KDM5A: variants seen among roughly 807,000 people sequenced by gnomAD.
KDM5A encodes lysine-specific demethylase 5A.
KDM5A carries 42 observed loss-of-function variants against 193.5 expected under a neutral mutation model. That is an observed-to-expected ratio of 0.22 (90% CI 0.17 to 0.28). The LOEUF is 0.28. KDM5A is among the 10% of genes least tolerant of loss of function. The probability of loss-of-function intolerance (pLI) is 1.00; values close to 1 mark genes in which losing one functional copy is unlikely to be tolerated. For synonymous variants in KDM5A, 796 were observed against 718.1 expected (o/e 1.11, Z -1.73); for missense variants, 1,692 against 2,055.1 (o/e 0.82, Z 3.42).
chr12:383,200 T>C (rs565432818), intron 3 of KDM5A, among the ~76,000 whole-genome samples: 7 of 136,500 alleles, frequency 5.1e-5, no homozygotes, highest in Non-Finnish European at 9.3e-5. Flanking sequence ...ATGAGTTTCT[T>C]TAATATGCCA....
intron 18 of KDM5A, among the ~76,000 whole-genome samples, chr12:319,225 G>A (rs980452211): frequency 1.3e-5 from 2 of 152,118 alleles, no homozygotes; most frequent in African/African-American, 4.8e-5. Context: ...TTATCATTCT[G>A]GCTACCAAAC....
At chr12:358,170 T>C (rs1458005698) in intron 5 of KDM5A, among the ~76,000 whole-genome samples, 1 of 152,194 alleles carries the variant, frequency 6.6e-6, no homozygotes, top group Non-Finnish European at 1.5e-5. Context: ...TATTCAATCT[T>C]GAATTAAGAT....
At position 366,253 on chromosome 12, in the gene KDM5A, C is replaced by T; in HGVS notation, c.367-149G>A. ...ATCTAACCAAACTGACACTTGTCAA[C>T]ATTTAGAGTAAGAAATAGAAACAAT... On this transcript the variant is annotated intron_variant, in intron 3 of 27. Transcript: ENST00000399788. 4.4e-6 allele frequency: 3 copies of T among 687,608 alleles called. 1 individual carries two copies. The highest frequency in any genetic ancestry group is 6.0e-4 in the Middle Eastern group (2 of 3,316). The allele number at this position is 687,608 out of a possible 1,614,324, so 42.6% of individuals were successfully genotyped here. A position where few individuals can be genotyped will look rare whatever the true frequency, so the allele number is the denominator to read the frequency against.
intron 25 of KDM5A, 118 bp from the exon 26 acceptor site, chr12:295,911 G>T: frequency 1.2e-6 from 1 of 810,494 alleles, no homozygotes; most frequent in Non-Finnish European, 2.1e-6. Context: ...TCAGATATCT[G>T]GATTCATTAT....
Position 318,428 on chromosome 12 carries a change from G to A in KDM5A, c.2575C>T (p.Arg859Cys), listed in dbSNP as rs756567348. ...TCATCCATCATGGCCTCCTGAGCACGTTCATGAAACTCTTCCACATCATCT... is the reference window on the plus strand; with the variant it reads ...TCATCCATCATGGCCTCCTGAGCACATTCATGAAACTCTTCCACATCATCT... ...LLDDVEEFHE[R>C]AQEAMMDETP... is the part of the protein sequence containing the mutation. Residue 859 changes from arginine to cysteine, a missense_variant, in exon 19 of 28, where the codon CGT becomes TGT. Coordinates refer to ENST00000399788, the MANE Select transcript of KDM5A (RefSeq NM_001042603.3). 5.6e-6 allele frequency: 9 copies of A among 1,613,778 alleles called. No individual in the cohort carries two copies. Among genetic ancestry groups the A allele is most frequent in the South Asian group, 1.1e-5 (1 of 91,074 alleles).
Position 371,058 on chromosome 12 carries a change from T to C in KDM5A, c.367-4954A>G, listed in dbSNP as rs1282759508. ...GGTTCCAAGTCTTTGCTATTGTGAA[T>C]AGTGCCACAATAAACATATGTGTGC... On this transcript the variant is annotated intron_variant, in intron 3 of 27. Coordinates refer to ENST00000399788, the MANE Select transcript of KDM5A (RefSeq NM_001042603.3). 4.9e-5 allele frequency among the ~76,000 whole-genome samples: 6 copies of C among 123,166 alleles called. No individual in the cohort carries two copies. In the Admixed American group the frequency reaches 5.2e-4, roughly 11 times the overall value. The allele number at this position is 123,166 out of a possible 152,430, so 80.8% of individuals were successfully genotyped here. A position where few individuals can be genotyped will look rare whatever the true frequency, so the allele number is the denominator to read the frequency against.
chr12:380,261 C>CAA (rs776295511), intron 3 of KDM5A, among the ~76,000 whole-genome samples: 5 of 74,456 alleles, frequency 6.7e-5, no homozygotes, highest in Non-Finnish European at 8.8e-5. Context: ...ACTCCGTCTC[C>CAA]AAAAAAAAAA....
At chr12:336,318 T>C (rs1051928169) in intron 10 of KDM5A, among the ~76,000 whole-genome samples, 21 of 144,414 alleles carry the variant, frequency 1.5e-4, no homozygotes, top group Admixed American at 1.3e-3. Context: ...ATCATGCCAC[T>C]GCACTCCAGC....
At chr12:299,118 C>T (rs1312910828) in intron 24 of KDM5A, among the ~76,000 whole-genome samples, 1 of 152,136 alleles carries the variant, frequency 6.6e-6, no homozygotes, top group East Asian at 1.9e-4. Flanking sequence ...ACTTGAAAAA[C>T]ACTCTTCAGG....
rs1555132314 is a variant in KDM5A, at chr12:330,085, G to GTATATA, written c.1774-1062_1774-1057dup. On this transcript the variant is annotated intron_variant, in intron 13 of 27. Coordinates refer to ENST00000399788, the MANE Select transcript of KDM5A (RefSeq NM_001042603.3). ...TGTGTGTGTGTGTGTGTGTGTGTGT[G>GTATATA]TATATATATATATCTTATGATTAGC... is the stretch of plus-strand genomic sequence containing the variant. Among the ~76,000 whole-genome samples the GTATATA allele has an allele frequency of 3.5e-3, 491 of 139,368 alleles. 7 individuals are homozygous for GTATATA. The East Asian group carries it at 0.06, about 17-fold the overall frequency. The allele number at this position is 139,368 out of a possible 152,430, so 91.4% of individuals were successfully genotyped here.
chr12:376,036 C>T (rs949122773), intron 3 of KDM5A, among the ~76,000 whole-genome samples: 2 of 152,226 alleles, frequency 1.3e-5, no homozygotes, highest in African/African-American at 4.8e-5. Context: ...CAGGGACCCA[C>T]ATAAGGAGGC....
In KDM5A at chr12:307,490, T is replaced by C; in HGVS notation, c.3894A>G (p.Ala1298=). The C allele has an allele frequency of 6.2e-7, 1 of 1,613,614 alleles. No homozygotes were observed. The highest frequency in any genetic ancestry group is 8.5e-7 in the Non-Finnish European group (1 of 1,180,036). The change falls in exon 23 of 28, where the codon GCA becomes GCG. Residue 1298 remains alanine (A), a synonymous_variant. Coordinates refer to ENST00000399788, the MANE Select transcript of KDM5A (RefSeq NM_001042603.3). The surrounding 1 kb of genome is among the most constrained non-coding windows in gnomAD (Gnocchi z 4.3). ...GATTGGCAGCTGCTTTTTGGAGTTCTGCACTGATGATCTTTTCAGTTTTTT... is the reference window on the plus strand; with the variant it reads ...GATTGGCAGCTGCTTTTTGGAGTTCCGCACTGATGATCTTTTCAGTTTTTT... ...AREKTEKIIS[A]ELQKAAANPD... is the part of the protein sequence containing the mutation.
chr12:340,643 T>G (rs1260199978), intron 10 of KDM5A, among the ~76,000 whole-genome samples: 4 of 128,914 alleles, frequency 3.1e-5, no homozygotes, highest in Non-Finnish European at 6.1e-5. Context: ...TGCAGTGAGC[T>G]GAGATCGTGC....
chr12:292,859 A>C lies in KDM5A; in HGVS notation c.4766T>G (p.Leu1589Arg). 1 of 1,614,248 alleles carries C rather than the reference A, an allele frequency of 6.2e-7. No individual in the cohort carries two copies. The change falls in exon 27 of 28, where the codon CTG (leucine) becomes CGG (arginine). Residue 1589 changes from leucine to arginine, a missense_variant. By Grantham distance (102) the Leu-to-Arg change is moderately radical. Around this residue, in one of 11 missense-constraint regions of KDM5A, gnomAD observed 965 missense variants for 1,061.0 expected, o/e 0.91. Coordinates refer to ENST00000399788, the MANE Select transcript of KDM5A (RefSeq NM_001042603.3). ...CCAGTCATACTTTGAGGGGATGTCC[A>C]GCACCTTTTTCTCTCTTTTCTTTTC... ...STEKKREKKV[L>R]DIPSKYDWSG...
chr12:352,629 G>A (rs1005593882), intron 8 of KDM5A, among the ~76,000 whole-genome samples: 18 of 152,144 alleles, frequency 1.2e-4, no homozygotes, highest in Non-Finnish European at 2.5e-4. Flanking sequence ...ATCATGCCTA[G>A]GGATGCCTAA....
chr12:315,904 G>A (rs555441913), intron 19 of KDM5A, among the ~76,000 whole-genome samples: 24 of 152,266 alleles, frequency 1.6e-4, no homozygotes, highest in African/African-American at 5.8e-4. Context: ...ATTTATGAAA[G>A]AAATCTATAT....
Position 321,003 on chromosome 12 carries a change from G to C in KDM5A, c.2533C>G (p.Gln845Glu). Residue 845 changes from glutamine (Q) to glutamate (E), a missense_variant, in exon 18 of 28, where the codon CAA (glutamine) becomes GAA (glutamate). Physicochemically the swap from Gln to Glu is conservative, Grantham distance 29 (BLOSUM62 2). Transcript: ENST00000399788. ...AGGATGTAATACTCCACCTTTACTT[G>C]CCGAGCTTGGCTGATGACACACGGA... is the stretch of plus-strand genomic sequence containing the variant. ...SLPCVISQAR[Q>E]VKNLLDDVEE... 1.2e-6 allele frequency: 2 copies of C among 1,610,422 alleles called. No homozygotes were observed. The highest frequency in any genetic ancestry group is 8.5e-7 in the Non-Finnish European group (1 of 1,176,628).
chr12:288,226 A>T (rs1323104582), intron 27 of KDM5A, among the ~76,000 whole-genome samples: 1 of 152,214 alleles, frequency 6.6e-6, no homozygotes, highest in Non-Finnish European at 1.5e-5. Flanking sequence ...ATTTTGACAC[A>T]GGGGCAACAG....
At chr12:372,949 A>T (rs1944450259) in intron 3 of KDM5A, among the ~76,000 whole-genome samples, 1 of 152,126 alleles carries the variant, frequency 6.6e-6, no homozygotes, top group African/African-American at 2.4e-5. Context: ...AGCCCATTTG[A>T]TCATGGTGGA....
Sources: allele counts gnomAD v4.1 joint callset (sites outside exome capture counted in the v4.1 genomes callset), GRCh38; gene constraint gnomAD v4.1.1; regional missense constraint gnomAD v4.1.1; non-coding constraint Gnocchi (gnomAD v3.1); transcripts MANE v1.5; gene names NCBI Gene and HGNC (gene_info 2026-07-23, HGNC 2026-07-21).